The following CDKN2B-AS1 variants were observed in gnomAD, a reference collection of about 807,000 sequenced individuals.
The protein encoded by CDKN2B-AS1 is CDKN2B and CDKN2A antisense cis and trans regulatory RNA 1, also known as CDKN2B antisense RNA 1 (non-protein coding).
intron 4 of CDKN2B-AS1, chr9:22,118,491 C>T (rs931092137): frequency 6.6e-6 from 1 of 152,172 alleles, no homozygotes; most frequent in African/African-American, 2.4e-5. Flanking sequence ...GTCATCATTC[C>T]TTCTCAGTCC....
intron 1 of CDKN2B-AS1, among the ~76,000 whole-genome samples, chr9:22,035,961 G>C (rs984573800): frequency 1.3e-5 from 2 of 152,120 alleles, no homozygotes; most frequent in Non-Finnish European, 2.9e-5. Context: ...TGTTGGCTTA[G>C]CCACAGATGT....
chr9:22,031,461 T>C (rs567832414), intron 1 of CDKN2B-AS1, among the ~76,000 whole-genome samples: 232 of 152,334 alleles, frequency 1.5e-3, no homozygotes, highest in Non-Finnish European at 1.1e-3. Context: ...GGATAAAATC[T>C]CATAGTAAAT....
intron 4 of CDKN2B-AS1, among the ~76,000 whole-genome samples, chr9:22,107,541 C>A (rs914811539): frequency 6.6e-5 from 10 of 152,192 alleles, no homozygotes; most frequent in African/African-American, 2.4e-4. Context: ...CTTTCCCACA[C>A]CCCGAGTCCT....
At chr9:22,011,084 G>C (rs76959412) in intron 1 of CDKN2B-AS1, among the ~76,000 whole-genome samples, 1,711 of 152,194 alleles carry the variant, frequency 0.011, 13 homozygotes, top group Non-Finnish European at 0.019. Flanking sequence ...AACGTTGCCG[G>C]GGGCATTCGC....
chr9:22,014,793 T>A (rs1207570110), intron 1 of CDKN2B-AS1, among the ~76,000 whole-genome samples: 1 of 122,832 alleles, frequency 8.1e-6, no homozygotes, highest in Non-Finnish European at 1.6e-5. Flanking sequence ...CAGAGTGTGA[T>A]GTTCCCCTTC....
At chr9:22,004,688 G>A in intron 1 of CDKN2B-AS1, 1 of 232,804 alleles carries the variant, frequency 4.3e-6, no homozygotes, top group East Asian at 6.1e-5. Context: ...AGTGATAGTA[G>A]GACATCCCAC....
exon 2 of CDKN2B-AS1, chr9:22,046,862 A>G (rs1189191175): frequency 6.6e-6 from 1 of 152,168 alleles, no homozygotes; most frequent in East Asian, 1.9e-4. Context: ...TAAAGAATTG[A>G]AAAACACACA....
chr9:22,078,319 T>C (rs1349848912), intron 4 of CDKN2B-AS1, among the ~76,000 whole-genome samples: 3 of 152,168 alleles, frequency 2.0e-5, no homozygotes, highest in African/African-American at 7.2e-5. Context: ...ATCAAACTTA[T>C]CAGTAGCTAA....
At chr9:22,012,181 G>A (rs878995490) in intron 1 of CDKN2B-AS1, 9 of 1,381,494 alleles carry the variant, frequency 6.5e-6, no homozygotes, top group Non-Finnish European at 7.2e-6. Context: ...AGACCCTCAC[G>A]GGCAAGACCA....
At chr9:22,019,864 C>T (rs1410958510) in intron 1 of CDKN2B-AS1, among the ~76,000 whole-genome samples, 2 of 151,982 alleles carry the variant, frequency 1.3e-5, no homozygotes, top group Non-Finnish European at 2.9e-5. Context: ...TAATACCAAA[C>T]CCTTTAAAAA....
At position 22,000,919 on chromosome 9, in the gene CDKN2B-AS1, C is replaced by T. The variant is rs1820891722; in HGVS notation, n.29+5758C>T. On this transcript the variant is annotated intron_variant and non_coding_transcript_variant, in intron 1 of 4. Coordinates refer to ENST00000650946, the Ensembl canonical transcript of CDKN2B-AS1. This position sits in a 1 kb window ranked among gnomAD's most constrained non-coding sequence, Gnocchi z 4.1. ...TAAATACCAGACACTCATTCTTGGTCCTGACTCCTACTCTGTTATCCATAG... is the reference window on the plus strand; with the variant it reads ...TAAATACCAGACACTCATTCTTGGTTCTGACTCCTACTCTGTTATCCATAG... Among the ~76,000 whole-genome samples, 1 of 152,056 alleles carries T rather than the reference C, an allele frequency of 6.6e-6. No homozygotes were observed. The highest frequency in any genetic ancestry group is 6.6e-5 in the Admixed American group (1 of 15,254).
chr9:22,055,690 G>T (rs1253908895), intron 3 of CDKN2B-AS1, among the ~76,000 whole-genome samples: 3 of 152,178 alleles, frequency 2.0e-5, no homozygotes, highest in Non-Finnish European at 1.5e-5. Flanking sequence ...GGGTGCAGAT[G>T]ATCCACGTGC....
chr9:22,047,650 T>C (rs991484271), intron 2 of CDKN2B-AS1, among the ~76,000 whole-genome samples: 4 of 152,192 alleles, frequency 2.6e-5, no homozygotes, highest in Non-Finnish European at 5.9e-5. Flanking sequence ...ATGTTACACA[T>C]ATACATAACA....
At chr9:22,004,710 T>C (rs1025361949) in intron 1 of CDKN2B-AS1, 1 of 232,956 alleles carries the variant, frequency 4.3e-6, no homozygotes, top group Non-Finnish European at 8.5e-6. Flanking sequence ...AGCCATCATA[T>C]ATTTTCAAGT....
chr9:22,044,034 A>G (rs1823008390), intron 1 of CDKN2B-AS1, among the ~76,000 whole-genome samples: 1 of 152,022 alleles, frequency 6.6e-6, no homozygotes, highest in African/African-American at 2.4e-5. Context: ...ATTTTATTTT[A>G]TCCTCACAAC....
intron 4 of CDKN2B-AS1, among the ~76,000 whole-genome samples, chr9:22,060,962 T>G (rs1823792902): frequency 6.6e-6 from 1 of 152,166 alleles, no homozygotes; most frequent in Admixed American, 6.6e-5. Context: ...GTGGGAATTC[T>G]GGGAGATACA....
chr9:22,090,534 A>G (rs1459233999), intron 4 of CDKN2B-AS1, among the ~76,000 whole-genome samples: 4 of 152,170 alleles, frequency 2.6e-5, no homozygotes, highest in African/African-American at 9.7e-5. Context: ...CTGGTGTCAG[A>G]TGGTATCTCA....
In CDKN2B-AS1 at chr9:21,995,761, T is replaced by A. The variant is rs1820641240; in HGVS notation, n.29+600T>A. ...CGGTCTAAGCGAGGCTCGGCTCTCG[T>A]CCAGGAACTCGGACGCGGGCTCGCC... On this transcript the variant is annotated intron_variant and non_coding_transcript_variant, in intron 1 of 4. Coordinates refer to ENST00000650946, the Ensembl canonical transcript of CDKN2B-AS1. This position sits in a 1 kb window ranked among gnomAD's most constrained non-coding sequence, Gnocchi z 5.7. 1 of 152,316 alleles carries A rather than the reference T, an allele frequency of 6.6e-6. No homozygotes were observed. The highest frequency in any genetic ancestry group is 1.9e-4 in the East Asian group (1 of 5,166). 9.4% of individuals were successfully genotyped at this position (152,316 alleles called of 1,614,324 possible). A position where few individuals can be genotyped will look rare whatever the true frequency, so the allele number is the denominator to read the frequency against.
chr9:22,100,509 G>A (rs1232401327), intron 4 of CDKN2B-AS1, among the ~76,000 whole-genome samples: 2 of 151,944 alleles, frequency 1.3e-5, no homozygotes, highest in African/African-American at 2.4e-5. Flanking sequence ...TTTTATTTGT[G>A]TCTACAAAAT....
Sources: allele counts gnomAD v4.1 joint callset (sites outside exome capture counted in the v4.1 genomes callset), GRCh38; gene constraint gnomAD v4.1.1; non-coding constraint Gnocchi (gnomAD v3.1); transcripts MANE v1.5; gene names NCBI Gene and HGNC (gene_info 2026-07-23, HGNC 2026-07-21).